CRISPLD2: variants seen among roughly 807,000 people sequenced by gnomAD.
The protein encoded by CRISPLD2 is cysteine rich secretory protein LCCL domain containing 2, also known as cysteine-rich secretory protein LCCL domain-containing 2.
In CRISPLD2, 47 loss-of-function variants were observed where a neutral mutation model predicts 71.1. That is an observed-to-expected ratio of 0.66 (90% CI 0.52 to 0.84). CRISPLD2 has a LOEUF of 0.84. Ranked by LOEUF, CRISPLD2 falls within the 40% of genes least tolerant of loss-of-function variation. The probability of loss-of-function intolerance (pLI) is 0.00; values close to 1 mark genes in which losing one functional copy is unlikely to be tolerated. For missense variants in CRISPLD2, 830 were observed against 651.1 expected, an observed-to-expected ratio of 1.27 and a Z score of -2.99; for synonymous variants, 317 against 250.1, an observed-to-expected ratio of 1.27 and a Z score of -2.52.
At chr16:84,885,260 C>A (rs1597478914) in intron 13 of CRISPLD2, among the ~76,000 whole-genome samples, 1 of 104,554 alleles carries the variant, frequency 9.6e-6, no homozygotes, top group Non-Finnish European at 2.3e-5. Context: ...ACCAAACTCG[C>A]CCCCGCTCAC....
intron 13 of CRISPLD2, among the ~76,000 whole-genome samples, chr16:84,884,330 A>G (rs1460810651): frequency 6.6e-6 from 1 of 152,116 alleles, no homozygotes; most frequent in African/African-American, 2.4e-5. Context: ...GATAATGACA[A>G]CACCTACCCG....
intron 12 of CRISPLD2, among the ~76,000 whole-genome samples, chr16:84,878,731 C>T (rs1459468424): frequency 1.3e-5 from 2 of 152,200 alleles, no homozygotes; most frequent in African/African-American, 2.4e-5. Flanking sequence ...TTATTTGAAT[C>T]GGCTGAGGCA....
intron 11 of CRISPLD2, among the ~76,000 whole-genome samples, chr16:84,876,799 A>G (rs1387898080): frequency 6.6e-6 from 1 of 152,228 alleles, no homozygotes; most frequent in Non-Finnish European, 1.5e-5. Context: ...TCTCAAAGAA[A>G]AAAAGAAAAA....
At chr16:84,899,255 T>C (rs75825424) in intron 14 of CRISPLD2, among the ~76,000 whole-genome samples, 2,326 of 152,262 alleles carry the variant, frequency 0.015, 56 homozygotes, top group African/African-American at 0.053. Context: ...CTTGATACAC[T>C]TGATAAAAAG....
intron 6 of CRISPLD2, among the ~76,000 whole-genome samples, chr16:84,860,834 C>G (rs1917359552): frequency 6.6e-6 from 1 of 152,154 alleles, no homozygotes; most frequent in Non-Finnish European, 1.5e-5. Flanking sequence ...GTCTGTTTTT[C>G]CACAATTTCA....
At chr16:84,873,867 A>C (rs937128597) in intron 10 of CRISPLD2, 53 bp from the exon 11 acceptor site, 8 of 1,503,470 alleles carry the variant, frequency 5.3e-6, no homozygotes, top group Non-Finnish European at 6.3e-6. Flanking sequence ...TTTAGAAGCA[A>C]TTCTATTTGC....
intron 2 of CRISPLD2, among the ~76,000 whole-genome samples, chr16:84,845,142 C>G (rs542046171): frequency 1.8e-4 from 28 of 152,186 alleles, no homozygotes; most frequent in Non-Finnish European, 3.7e-4. Flanking sequence ...GGGTTCAGAT[C>G]CTGGTTCTGT....
chr16:84,859,110 A>G (rs1489233967), intron 6 of CRISPLD2, among the ~76,000 whole-genome samples: 1 of 152,176 alleles, frequency 6.6e-6, no homozygotes. Context: ...GGGCAGCTCT[A>G]ATGGCTTCTG....
Position 84,849,380 on chromosome 16 carries a change from T to G in CRISPLD2, c.360-5T>G. ...GGGACTGAGTGAGCGGTTTCTGCCC[T>G]GCAGGTATCGCTCTCCGGGGTTCCA... On this transcript the variant is annotated splice_region_variant and splice_polypyrimidine_tract_variant and intron_variant, in intron 3 of 14. Coordinates refer to ENST00000262424, the MANE Select transcript of CRISPLD2 (RefSeq NM_031476.4). 1 of 1,611,574 alleles carries G rather than the reference T, an allele frequency of 6.2e-7. No homozygotes were observed. Among genetic ancestry groups the G allele is most frequent in the Non-Finnish European group, 8.5e-7 (1 of 1,178,082 alleles).
intron 11 of CRISPLD2, 32 bp from the exon 12 acceptor site, chr16:84,877,406 C>T (rs781143993): frequency 6.2e-7 from 1 of 1,608,014 alleles, no homozygotes; most frequent in African/African-American, 1.3e-5. Context: ...CGTGCTGGGA[C>T]CTGACCCTTT....
chr16:84,850,601 GC>G lies in CRISPLD2; in HGVS notation c.527del (p.Ala176ValfsTer2), dbSNP rs1329420664. On this transcript the variant is annotated frameshift_variant, in exon 5 of 15. Coordinates refer to ENST00000262424, the MANE Select transcript of CRISPLD2 (RefSeq NM_031476.4). LOFTEE classifies it high-confidence loss of function. ...GGCCACCACCAACAAGATCGGTTGT[GC>G]TGTGAACACCTGCCGGAAGATGACT... ...VWATTNKIGC[A>X]VNTCRKMTVW... 2 of 1,614,072 alleles carry G rather than the reference GC, an allele frequency of 1.2e-6. No individual in the cohort carries two copies. The highest frequency in any genetic ancestry group is 2.7e-5 in the African/African-American group (2 of 74,910).
intron 8 of CRISPLD2, among the ~76,000 whole-genome samples, chr16:84,870,321 GTT>G (rs1017987723): frequency 6.9e-6 from 1 of 145,764 alleles, no homozygotes; most frequent in Non-Finnish European, 1.5e-5. Flanking sequence ...CATGTATTTT[GTT>G]TTTTTTTTTT....
chr16:84,904,499 A>C (rs1485981539), intron 14 of CRISPLD2, among the ~76,000 whole-genome samples: 1 of 151,996 alleles, frequency 6.6e-6, no homozygotes, highest in African/African-American at 2.4e-5. Context: ...CCAGAGAATC[A>C]CTTGAACCTG....
rs2071485331 is a variant in CRISPLD2, at chr16:84,873,046, G to C, written c.1036G>C (p.Gly346Arg). Residue 346 changes from glycine to arginine, a missense_variant, in exon 10 of 15, where the codon GGC (glycine) becomes CGC (arginine). Physicochemically the swap from Gly to Arg is moderately radical, Grantham distance 125 (BLOSUM62 -2). Coordinates refer to ENST00000262424, the MANE Select transcript of CRISPLD2 (RefSeq NM_031476.4). ...CTACGGGATCCTGGATGACAAGGGAGGCCTGGTGGATATCACCAGGAACGG... is the reference window on the plus strand; with the variant it reads ...CTACGGGATCCTGGATGACAAGGGACGCCTGGTGGATATCACCAGGAACGG... ...IHYGILDDKG[G>R]LVDITRNGKV... 6.2e-7 allele frequency: 1 copy of C among 1,613,780 alleles called. No individual in the cohort carries two copies. Among genetic ancestry groups the C allele is most frequent in the Admixed American group, 1.7e-5 (1 of 59,990 alleles).
At chr16:84,866,579 G>C (rs1331565061) in intron 6 of CRISPLD2, among the ~76,000 whole-genome samples, 1 of 152,176 alleles carries the variant, frequency 6.6e-6, no homozygotes, top group South Asian at 2.1e-4. Flanking sequence ...AGAGGGTCAG[G>C]TGGAGGAGGA....
intron 14 of CRISPLD2, among the ~76,000 whole-genome samples, chr16:84,904,359 G>A (rs2071782265): frequency 6.7e-6 from 1 of 149,174 alleles, no homozygotes; most frequent in Non-Finnish European, 1.5e-5. Context: ...CCAAGGAGGG[G>A]AGGATCACGA....
At chr16:84,882,347 CAA>C (rs80146835) in intron 13 of CRISPLD2, among the ~76,000 whole-genome samples, 1,413 of 77,366 alleles carry the variant, frequency 0.018, 5 homozygotes, top group Non-Finnish European at 0.024. Flanking sequence ...ACCAATAAAG[CAA>C]AAAAAAAAAA....
chr16:84,893,942 T>C (rs761664791), intron 14 of CRISPLD2, among the ~76,000 whole-genome samples: 9 of 152,180 alleles, frequency 5.9e-5, no homozygotes, highest in Admixed American at 1.3e-4. Context: ...AAGGGAGACG[T>C]AGATGTTGTA....
chr16:84,876,568 G>A (rs1003689474), intron 11 of CRISPLD2, among the ~76,000 whole-genome samples: 1 of 151,652 alleles, frequency 6.6e-6, no homozygotes, highest in African/African-American at 2.4e-5. Context: ...TGAGGCAGGT[G>A]GATTACCTGA....
Sources: gnomAD v4.1 joint callset for allele counts (sites outside exome capture counted in the v4.1 genomes callset) on GRCh38, gnomAD v4.1.1 for gene constraint, MANE v1.5 for transcripts, NCBI Gene and HGNC (gene_info 2026-07-23, HGNC 2026-07-21) for gene names.